Variants in SDHAF3 observed in about 807,000 individuals in gnomAD.
SDHAF3 encodes succinate dehydrogenase complex assembly factor 3, also known as succinate dehydrogenase assembly factor 3, mitochondrial.
Under a neutral mutation model 11.5 loss-of-function variants are expected in SDHAF3, and 18 were observed. The ratio of observed to expected loss-of-function variants is 1.56; its 90% CI spans 1.08 to 2.32. The LOEUF (loss-of-function observed/expected upper bound fraction) is 2.32, where lower values mean the gene tolerates loss of function less well. Ranked by LOEUF, SDHAF3 falls within the 30% of genes most tolerant of loss-of-function variation. SDHAF3 has a pLI of 0.00. For synonymous variants in SDHAF3, 72 were observed against 59.3 expected, an observed-to-expected ratio of 1.21 and a Z score of -0.99; for missense variants, 200 against 154.4, an observed-to-expected ratio of 1.30 and a Z score of -1.57.
At chr7:97,142,079 T>A (rs6961807) in intron 1 of SDHAF3, among the ~76,000 whole-genome samples, 49,290 of 128,268 alleles carry the variant, frequency 0.38, 9,344 homozygotes, top group East Asian at 0.47. Context: ...TTTGAGACAG[T>A]GTCTCGCCCT....
rs1226224740 is a variant in SDHAF3, at chr7:97,168,850, T to C, written c.175-12162T>C. On this transcript the variant is annotated intron_variant, in intron 1 of 1. Coordinates refer to ENST00000432641, the MANE Select transcript of SDHAF3 (RefSeq NM_020186.3). ...TGTTCATTTCTTACATACTTATTCT[T>C]ATATTCTCCTTTAGTGAGTAAGCTA... Among the ~76,000 whole-genome samples the C allele has an allele frequency of 2.0e-5, 3 of 152,254 alleles. No homozygotes were observed. In the East Asian group the frequency reaches 5.8e-4, roughly 29 times the overall value.
chr7:97,149,604 G>A (rs1000029169), intron 1 of SDHAF3, among the ~76,000 whole-genome samples: 24 of 152,232 alleles, frequency 1.6e-4, no homozygotes, highest in South Asian at 2.1e-4. Context: ...TAAGTGTGTC[G>A]TAGCATTGTC....
rs1789233221 is a variant in SDHAF3 at position 97,152,067 on chromosome 7, A to G, written c.175-28945A>G. Among the ~76,000 whole-genome samples, 4 of 152,284 alleles carry G rather than the reference A, an allele frequency of 2.6e-5. No homozygotes were observed. The South Asian group carries it at 8.3e-4, about 32-fold the overall frequency. Reference sequence around the variant, plus strand: ...TTTAGACAAATGTATAACGACATGTATCCATCTTTATAGTAGTATATAGTA... The same window carrying G: ...TTTAGACAAATGTATAACGACATGTGTCCATCTTTATAGTAGTATATAGTA... On this transcript the variant is annotated intron_variant, in intron 1 of 1. Coordinates refer to ENST00000432641, the MANE Select transcript of SDHAF3 (RefSeq NM_020186.3).
chr7:97,152,117 C>T (rs1014624347), intron 1 of SDHAF3, among the ~76,000 whole-genome samples: 4 of 152,210 alleles, frequency 2.6e-5, no homozygotes, highest in Non-Finnish European at 4.4e-5. Context: ...TAAAAATTCT[C>T]TCTGCCCTGC....
chr7:97,137,898 AGTTTT>A (rs1788955600), intron 1 of SDHAF3, among the ~76,000 whole-genome samples: 2 of 38,130 alleles, frequency 5.2e-5, no homozygotes, highest in South Asian at 1.6e-3. Flanking sequence ...TTTTAGATGG[AGTTTT>A]GTTTTGTCGC....
intron 1 of SDHAF3, among the ~76,000 whole-genome samples, chr7:97,171,004 TTTTTTC>T (rs776803856): frequency 5.7e-4 from 87 of 152,288 alleles, no homozygotes; most frequent in South Asian, 2.3e-3. Context: ...ACATAGGTTC[TTTTTTC>T]TTTTTCTATA....
In SDHAF3 at chr7:97,166,943, T is replaced by C. The variant is rs190189420; in HGVS notation, c.175-14069T>C. Among the ~76,000 whole-genome samples the C allele has an allele frequency of 8.7e-4, 132 of 152,358 alleles. 1 individual carries two copies. The highest frequency in any genetic ancestry group is 2.7e-3 in the East Asian group (14 of 5,194). Reference sequence around the variant, plus strand: ...ACTTAAAATGGATTTTATGTACTTTTTCCACTATAGTGTCTCACTCAGGGC... The same window carrying C: ...ACTTAAAATGGATTTTATGTACTTTCTCCACTATAGTGTCTCACTCAGGGC... On this transcript the variant is annotated intron_variant, in intron 1 of 1. Coordinates refer to ENST00000432641, the MANE Select transcript of SDHAF3 (RefSeq NM_020186.3).
intron 1 of SDHAF3, among the ~76,000 whole-genome samples, chr7:97,169,327 T>G (rs1789567325): frequency 6.6e-6 from 1 of 151,818 alleles, no homozygotes; most frequent in African/African-American, 2.4e-5. Context: ...AGTATTAATA[T>G]CATGATCGTC....
At chr7:97,157,472 T>A (rs1450089299) in intron 1 of SDHAF3, among the ~76,000 whole-genome samples, 2 of 152,038 alleles carry the variant, frequency 1.3e-5, no homozygotes, top group African/African-American at 2.4e-5. Flanking sequence ...AAACAACAGG[T>A]GCTGGAGAGG....
chr7:97,139,309 C>G (rs1013943553), intron 1 of SDHAF3, among the ~76,000 whole-genome samples: 2 of 152,120 alleles, frequency 1.3e-5, no homozygotes, highest in Non-Finnish European at 2.9e-5. Flanking sequence ...GTGGGTAGTC[C>G]CCCACACCCG....
chr7:97,119,970 TC>T (rs1791466929), intron 1 of SDHAF3, among the ~76,000 whole-genome samples: 1 of 152,212 alleles, frequency 6.6e-6, no homozygotes, highest in African/African-American at 2.4e-5. Flanking sequence ...ATAACTGTGA[TC>T]ACTTGGTTAA....
At chr7:97,164,842 C>T (rs952448022) in intron 1 of SDHAF3, among the ~76,000 whole-genome samples, 6 of 152,070 alleles carry the variant, frequency 3.9e-5, no homozygotes, top group Non-Finnish European at 8.8e-5. Context: ...CCATAATTTG[C>T]ATCATACTGA....
rs139502144 is a variant in SDHAF3 at position 97,139,553 on chromosome 7, T to C, written c.174+21656T>C. Among the ~76,000 whole-genome samples, 243 of 152,332 alleles carry C rather than the reference T, an allele frequency of 1.6e-3. 1 individual carries two copies. Among genetic ancestry groups the C allele is most frequent in the African/African-American group, 5.7e-3 (237 of 41,576 alleles). ...ACCAGACAGGAAGAGAGGTTCTCAA[T>C]CTGGCCTGTAGATGTATCTGAGACT... is the stretch of plus-strand genomic sequence containing the variant. On this transcript the variant is annotated intron_variant, in intron 1 of 1. Coordinates refer to ENST00000432641, the MANE Select transcript of SDHAF3 (RefSeq NM_020186.3).
At chr7:97,132,694 G>A (rs182385263) in intron 1 of SDHAF3, among the ~76,000 whole-genome samples, 2 of 152,164 alleles carry the variant, frequency 1.3e-5, no homozygotes, top group Non-Finnish European at 2.9e-5. Flanking sequence ...GGTAGGATTG[G>A]GAGGGGATAT....
In SDHAF3 at chr7:97,181,141, C is replaced by G; in HGVS notation, c.304C>G (p.Gln102Glu). The change falls in exon 2 of 2, where the codon CAG becomes GAG. Residue 102 changes from glutamine to glutamate, a missense_variant. Physicochemically the swap from Gln to Glu is conservative, Grantham distance 29. Transcript: ENST00000432641. ...DFRDEQIGQL[Q>E]ELMQEATKPN... ...TCGTGATGAACAAATTGGACAGTTG[C>G]AGGAGCTGATGCAAGAAGCCACAAA... The G allele has an allele frequency of 6.2e-7, 1 of 1,613,924 alleles. No individual in the cohort carries two copies. Among genetic ancestry groups the G allele is most frequent in the South Asian group, 1.1e-5 (1 of 91,074 alleles).
At chr7:97,121,447 G>C (rs1554349897) in intron 1 of SDHAF3, among the ~76,000 whole-genome samples, 1 of 152,120 alleles carries the variant, frequency 6.6e-6, no homozygotes, top group Non-Finnish European at 1.5e-5. Context: ...CCTAGTTCCT[G>C]TTGTTTTTCT....
At chr7:97,155,192 A>T (rs1789283951) in intron 1 of SDHAF3, among the ~76,000 whole-genome samples, 1 of 152,230 alleles carries the variant, frequency 6.6e-6, no homozygotes, top group Non-Finnish European at 1.5e-5. Context: ...AAACGAGGTC[A>T]ATTTGGGGAG....
At chr7:97,158,461 A>G (rs567834915) in intron 1 of SDHAF3, among the ~76,000 whole-genome samples, 9 of 152,090 alleles carry the variant, frequency 5.9e-5, no homozygotes, top group African/African-American at 2.2e-4. Context: ...CTGAGTAGCT[A>G]GGATTACAGG....
chr7:97,152,290 A>G (rs1789237033), intron 1 of SDHAF3, among the ~76,000 whole-genome samples: 1 of 152,202 alleles, frequency 6.6e-6, no homozygotes, highest in African/African-American at 2.4e-5. Flanking sequence ...GAGTTTTGGT[A>G]TTACTCATAT....
Sources: gnomAD v4.1 joint callset for allele counts (sites outside exome capture counted in the v4.1 genomes callset) on GRCh38, gnomAD v4.1.1 for gene constraint, MANE v1.5 for transcripts, NCBI Gene and HGNC (gene_info 2026-07-23, HGNC 2026-07-21) for gene names.